Variants in CHST3 observed in about 807,000 individuals in gnomAD.
CHST3 encodes the protein C6ST-1.
CHST3 carries 20 observed loss-of-function variants against 35.4 expected under a neutral mutation model. The observed-to-expected ratio is 0.57, with a 90% CI of 0.40 to 0.82. CHST3 has a LOEUF of 0.82. CHST3 is among the 40% of genes least tolerant of loss of function. The pLI, the probability that CHST3 is intolerant of heterozygous loss-of-function variation, is 0.00. For missense variants in CHST3, 693 were observed against 670.1 expected (o/e 1.03, Z -0.38); for synonymous variants, 334 against 295.9 (o/e 1.13, Z -1.32).
At chr10:71,976,003 G>A (rs1318263174) in intron 1 of CHST3, among the ~76,000 whole-genome samples, 2 of 152,216 alleles carry the variant, frequency 1.3e-5, no homozygotes, top group African/African-American at 4.8e-5. Context: ...GCAGGCAGAT[G>A]GCCAGTTTCT....
intron 1 of CHST3, among the ~76,000 whole-genome samples, chr10:71,986,618 G>T (rs539915678): frequency 2.0e-5 from 3 of 152,244 alleles, no homozygotes; most frequent in African/African-American, 7.2e-5. Context: ...GTGTGCCCAG[G>T]CCCGAGGCCT....
rs1840103654 is a variant in CHST3, at chr10:72,010,905, C to G, written c.*2434C>G. 1 of 152,380 alleles carries G rather than the reference C, an allele frequency of 6.6e-6. No homozygotes were observed. The highest frequency in any genetic ancestry group is 2.1e-4 in the South Asian group (1 of 4,826). 9.4% of individuals were successfully genotyped at this position (152,380 alleles called of 1,614,324 possible). On this transcript the variant is annotated 3_prime_UTR_variant, in exon 3 of 3. Transcript: ENST00000373115. ...CTAATGTGGACAGTAGACTTTATCCCTCCTTCTTACTCTGGGCCAAGACCT... is the reference window on the plus strand; with the variant it reads ...CTAATGTGGACAGTAGACTTTATCCGTCCTTCTTACTCTGGGCCAAGACCT...
intron 1 of CHST3, among the ~76,000 whole-genome samples, chr10:71,992,216 C>T (rs1260294575): frequency 6.6e-6 from 1 of 152,008 alleles, no homozygotes; most frequent in Non-Finnish European, 1.5e-5. Context: ...CAGGGTCTTG[C>T]TCTGTTGCCC....
chr10:71,971,762 T>G (rs1434215707), intron 1 of CHST3, among the ~76,000 whole-genome samples: 1 of 152,190 alleles, frequency 6.6e-6, no homozygotes, highest in African/African-American at 2.4e-5. Context: ...GTGCCTGGCT[T>G]TCCTCTGGAG....
intron 1 of CHST3, among the ~76,000 whole-genome samples, chr10:71,990,495 C>G (rs1158855330): frequency 6.6e-6 from 1 of 152,208 alleles, no homozygotes; most frequent in East Asian, 1.9e-4. Flanking sequence ...TCCTGAGTAG[C>G]TGAGATTACA....
intron 1 of CHST3, among the ~76,000 whole-genome samples, chr10:72,003,147 G>C (rs1840008805): frequency 1.3e-5 from 2 of 152,156 alleles, no homozygotes; most frequent in Admixed American, 1.3e-4. Flanking sequence ...GATTTGATGA[G>C]TGCAAGTGCT....
At chr10:71,979,959 C>T (rs1487974864) in intron 1 of CHST3, among the ~76,000 whole-genome samples, 1 of 152,146 alleles carries the variant, frequency 6.6e-6, no homozygotes, top group Non-Finnish European at 1.5e-5. Flanking sequence ...TTAAATTTAC[C>T]TTCAGGCCAG....
At chr10:72,002,390 C>T (rs547226294) in intron 1 of CHST3, among the ~76,000 whole-genome samples, 1 of 152,336 alleles carries the variant, frequency 6.6e-6, no homozygotes, top group Admixed American at 6.5e-5. Flanking sequence ...GTGCCAGGCC[C>T]AGAGGGAAGG....
chr10:71,996,107 G>A (rs1839935765), intron 1 of CHST3, among the ~76,000 whole-genome samples: 1 of 152,190 alleles, frequency 6.6e-6, no homozygotes, highest in Admixed American at 6.5e-5. Flanking sequence ...GCCAGCTGTG[G>A]TGTGGAATGG....
chr10:71,988,325 A>G (rs1385484270), intron 1 of CHST3, among the ~76,000 whole-genome samples: 1 of 152,096 alleles, frequency 6.6e-6, no homozygotes, highest in Non-Finnish European at 1.5e-5. Context: ...CCCCTGTGAT[A>G]TAGTTGGGAT....
chr10:72,007,413 G>A lies in CHST3; in HGVS notation c.382G>A (p.Val128Met), dbSNP rs563761692. Residue 128 changes from valine to methionine, a missense_variant, in exon 3 of 3, where the codon GTG becomes ATG. Physicochemically the swap from Val to Met is conservative, Grantham distance 21. Transcript: ENST00000373115. ...RKEEEPPRPA[V>M]AGPRRHVLLM... ...GGAGGAGGAGCCGCCCAGACCGGCC[G>A]TGGCGGGGCCCCGGCGCCACGTGCT... The A allele has an allele frequency of 1.7e-5, 28 of 1,605,456 alleles. No individual in the cohort carries two copies. The highest frequency in any genetic ancestry group is 2.4e-5 in the Non-Finnish European group (28 of 1,178,788).
rs1378815381 is a variant in CHST3 at position 72,007,455 on chromosome 10, C to T, written c.424C>T (p.Arg142Cys). Residue 142 changes from arginine (R) to cysteine (C), a missense_variant, in exon 3 of 3, where the codon CGC (arginine) becomes TGC (cysteine). Arg to Cys is a radical substitution (Grantham distance 180). Coordinates refer to ENST00000373115, the MANE Select transcript of CHST3 (RefSeq NM_004273.5). ...CCACGTGCTGCTCATGGCCACCACG[C>T]GCACCGGCTCCTCGTTCGTGGGCGA... ...RRHVLLMATT[R>C]TGSSFVGEFF... is the part of the protein sequence containing the mutation. 3 of 1,603,124 alleles carry T rather than the reference C, an allele frequency of 1.9e-6. No individual in the cohort carries two copies. The highest frequency in any genetic ancestry group is 2.5e-6 in the Non-Finnish European group (3 of 1,179,664).
At chr10:71,999,455 C>T (rs1839971201) in intron 1 of CHST3, among the ~76,000 whole-genome samples, 1 of 152,224 alleles carries the variant, frequency 6.6e-6, no homozygotes, top group South Asian at 2.1e-4. Flanking sequence ...TCCCTTGGCT[C>T]CTCTTTCCCA....
rs753475518 is a variant in CHST3, at chr10:72,007,253, C to T, written c.222C>T (p.Asn74=). The T allele has an allele frequency of 6.2e-6, 10 of 1,614,118 alleles. No homozygotes were observed. Among genetic ancestry groups the T allele is most frequent in the Middle Eastern group, 1.6e-4 (1 of 6,084 alleles). ...STDPALILAE[N]ASLLSLSELD... ...ACCCAGCCCTGATCTTAGCTGAGAA[C>T]GCATCTCTCTTGTCCCTGAGCGAGC... The change falls in exon 3 of 3, where the codon AAC becomes AAT. Residue 74 remains asparagine (N), a synonymous_variant. Coordinates refer to ENST00000373115, the MANE Select transcript of CHST3 (RefSeq NM_004273.5).
chr10:71,967,975 A>ATTTTTTTTTTTTTTTTTTTTTTTTTT (rs61420934), intron 1 of CHST3, among the ~76,000 whole-genome samples: 1 of 142,040 alleles, frequency 7.0e-6, no homozygotes, highest in African/African-American at 2.6e-5. Flanking sequence ...TGCGTGGCTA[A>ATTTTTTTTTTTTTTTTTTTTTTTTTT]TTTTTTTTTT....
chr10:71,981,670 A>C (rs1692682642), intron 1 of CHST3, among the ~76,000 whole-genome samples: 2 of 152,190 alleles, frequency 1.3e-5, no homozygotes, highest in African/African-American at 2.4e-5. Flanking sequence ...AGGGCAGTGT[A>C]AGGCCCCAGG....
intron 1 of CHST3, among the ~76,000 whole-genome samples, chr10:71,969,842 C>T (rs1182845074): frequency 6.6e-6 from 1 of 152,182 alleles, no homozygotes; most frequent in Non-Finnish European, 1.5e-5. Flanking sequence ...GCTGGGAACT[C>T]CTAGAGTGGC....
At position 72,005,823 on chromosome 10, in the gene CHST3, C is replaced by T; in HGVS notation, c.-20C>T. 1.2e-6 allele frequency: 2 copies of T among 1,614,196 alleles called. No homozygotes were observed. The highest frequency in any genetic ancestry group is 1.7e-6 in the Non-Finnish European group (2 of 1,180,032). Reference sequence around the variant, plus strand: ...TGTCCAAGGCTGGCCCGAGGAGCCCCCACGGCCCCACCTTTCCCCATGGAG... The same window carrying T: ...TGTCCAAGGCTGGCCCGAGGAGCCCTCACGGCCCCACCTTTCCCCATGGAG... On this transcript the variant is annotated 5_prime_UTR_variant, in exon 2 of 3. Coordinates refer to ENST00000373115, the MANE Select transcript of CHST3 (RefSeq NM_004273.5).
chr10:71,969,067 T>C (rs969753612), intron 1 of CHST3, among the ~76,000 whole-genome samples: 4 of 152,170 alleles, frequency 2.6e-5, no homozygotes, highest in Non-Finnish European at 5.9e-5. Flanking sequence ...TAAGGGGCCA[T>C]GTCACAGCTG....
Sources: gnomAD v4.1 joint callset for allele counts (sites outside exome capture counted in the v4.1 genomes callset) on GRCh38, gnomAD v4.1.1 for gene constraint, MANE v1.5 for transcripts, NCBI Gene and HGNC (gene_info 2026-07-23, HGNC 2026-07-21) for gene names.